ST6GALNAC1: variants seen among roughly 807,000 people sequenced by gnomAD.
ST6GALNAC1 encodes the protein ST6 N-acetylgalactosaminide alpha-2,6-sialyltransferase 1.
In ST6GALNAC1, 45 loss-of-function variants were observed where a neutral mutation model predicts 56.8. The observed-to-expected ratio is 0.79, with a 90% CI of 0.62 to 1.02. The LOEUF (loss-of-function observed/expected upper bound fraction) is 1.02, where lower values mean the gene tolerates loss of function less well. Ranked by LOEUF, ST6GALNAC1 falls within the 50% of genes least tolerant of loss-of-function variation. The pLI is 0.00. For missense variants in ST6GALNAC1, 743 were observed against 754.8 expected, an observed-to-expected ratio of 0.98 and a Z score of 0.18; for synonymous variants, 295 against 297.8, an observed-to-expected ratio of 0.99 and a Z score of 0.10.
intron 1 of ST6GALNAC1, among the ~76,000 whole-genome samples, chr17:76,636,972 C>G (rs2075983474): frequency 6.6e-6 from 1 of 152,088 alleles, no homozygotes. Context: ...ACCTTACCCC[C>G]AACCCCGTGC....
At chr17:76,624,693 G>A (rs1286942083), downstream of ST6GALNAC1, 2 of 152,550 alleles carry the variant, frequency 1.3e-5, no homozygotes, top group East Asian at 3.8e-4. Context: ...GGTTAATGGG[G>A]AGAATAGAAG....
the ST6GALNAC1 span, among the ~76,000 whole-genome samples, chr17:76,617,653 C>T: frequency 4.0e-5 from 6 of 151,884 alleles, no homozygotes; most frequent in African/African-American, 1.5e-4. Flanking sequence ...CACCTGTGAT[C>T]ACAGTTGCTC....
downstream of ST6GALNAC1, among the ~76,000 whole-genome samples, chr17:76,623,108 G>T (rs1222467701): frequency 6.6e-6 from 1 of 152,130 alleles, no homozygotes; most frequent in Admixed American, 6.5e-5. Context: ...AATTGTTGAT[G>T]GGAGTTACAG....
the ST6GALNAC1 span, among the ~76,000 whole-genome samples, chr17:76,617,776 A>G: frequency 6.6e-6 from 1 of 152,198 alleles, no homozygotes; most frequent in Non-Finnish European, 1.5e-5. Context: ...GTCTCAAAAA[A>G]AAAAAAAAGA....
At chr17:76,642,212 C>CT (rs1206291985) in intron 1 of ST6GALNAC1, among the ~76,000 whole-genome samples, 1 of 151,010 alleles carries the variant, frequency 6.6e-6, no homozygotes, top group Admixed American at 6.6e-5. Context: ...CTCTCTCTCT[C>CT]TATCTGCCTA....
chr17:76,628,312 G>A (rs2075841688), intron 2 of ST6GALNAC1, among the ~76,000 whole-genome samples: 1 of 126,494 alleles, frequency 7.9e-6, no homozygotes, highest in Non-Finnish European at 1.6e-5. Context: ...CCTTCCTTCC[G>A]ACAGGGTCTC....
In ST6GALNAC1 at chr17:76,643,592, T is replaced by C; in HGVS notation, c.47A>G (p.Gln16Arg). 6.2e-7 allele frequency: 1 copy of C among 1,614,158 alleles called. No individual in the cohort carries two copies. The highest frequency in any genetic ancestry group is 8.5e-7 in the Non-Finnish European group (1 of 1,179,986). Reference sequence around the variant, plus strand: ...CAGGACAGCCAGAAGCAAGGACCACTGGACGCCTTGGCTCAGGTGCCTGCA... The same window carrying C: ...CAGGACAGCCAGAAGCAAGGACCACCGGACGCCTTGGCTCAGGTGCCTGCA... ...WRCRHLSQGV[Q>R]WSLLLAVLVF... Residue 16 changes from glutamine (Q) to arginine (R), a missense_variant, in exon 1 of 9, where the codon CAG becomes CGG. Gln to Arg is a conservative substitution (Grantham distance 43). Coordinates refer to ENST00000156626, the MANE Select transcript of ST6GALNAC1 (RefSeq NM_018414.5).
downstream of ST6GALNAC1, among the ~76,000 whole-genome samples, chr17:76,621,440 C>G (rs145352852): frequency 2.4e-3 from 358 of 151,732 alleles, 4 homozygotes; most frequent in East Asian, 0.018. Context: ...CTTGGCCTCC[C>G]AAAGTGCTGG....
chr17:76,620,669 A>C (rs534068772), downstream of ST6GALNAC1, among the ~76,000 whole-genome samples: 6 of 150,772 alleles, frequency 4.0e-5, no homozygotes, highest in Non-Finnish European at 8.9e-5. Context: ...TCCGTCTCCC[A>C]GGTTCAAGTG....
chr17:76,636,342 A>G (rs902381792), intron 1 of ST6GALNAC1, among the ~76,000 whole-genome samples: 2 of 151,990 alleles, frequency 1.3e-5, no homozygotes, highest in African/African-American at 4.8e-5. Flanking sequence ...GGACTTTACT[A>G]CTTCTTACCA....
chr17:76,635,396 T>A (rs2075961834), intron 1 of ST6GALNAC1, among the ~76,000 whole-genome samples: 1 of 152,130 alleles, frequency 6.6e-6, no homozygotes, highest in African/African-American at 2.4e-5. Context: ...TCCCAGCACT[T>A]TGGGAGGCTG....
intron 6 of ST6GALNAC1, 71 bp from the exon 7 acceptor site, chr17:76,626,166 G>A (rs2075795282): frequency 6.4e-7 from 1 of 1,560,590 alleles, no homozygotes; most frequent in Non-Finnish European, 8.8e-7. Context: ...TCAGGGTCAT[G>A]AGCATGACTG....
At chr17:76,632,002 G>A (rs1355799387) in intron 1 of ST6GALNAC1, among the ~76,000 whole-genome samples, 1 of 152,136 alleles carries the variant, frequency 6.6e-6, no homozygotes, top group Non-Finnish European at 1.5e-5. Flanking sequence ...TGAGTGCTGT[G>A]TGGGTGTGTG....
At position 76,625,392 on chromosome 17, in the gene ST6GALNAC1, C is replaced by A. The variant is rs746641827; in HGVS notation, c.1741G>T (p.Asp581Tyr). Residue 581 changes from aspartate to tyrosine, a missense_variant, in exon 9 of 9, where the codon GAT becomes TAT. Physicochemically the swap from Asp to Tyr is radical, Grantham distance 160. Coordinates refer to ENST00000156626, the MANE Select transcript of ST6GALNAC1 (RefSeq NM_018414.5). ...LEREVWKRLH[D>Y]EGIIRLYQRP... ...TGGTACAGCCGGATTATCCCTTCATCGTGTAGCCGCTTCCAGACTTCTCTC... is the reference window on the plus strand; with the variant it reads ...TGGTACAGCCGGATTATCCCTTCATAGTGTAGCCGCTTCCAGACTTCTCTC... 6.2e-7 allele frequency: 1 copy of A among 1,614,174 alleles called. No individual in the cohort carries two copies. Among genetic ancestry groups the A allele is most frequent in the Non-Finnish European group, 8.5e-7 (1 of 1,180,042 alleles).
rs146469768 is a variant in ST6GALNAC1, at chr17:76,629,223, G to A, written c.620C>T (p.Thr207Ile). 599 of 1,614,154 alleles carry A rather than the reference G, an allele frequency of 3.7e-4. 2 individuals carry two copies. In the African/African-American group the frequency reaches 6.5e-3, roughly 17 times the overall value. ...TCTCGTCCTTGTTGACACTGCTCCT[G>A]TGGGAGCCAGCATTCTGTGCTGACT... is the stretch of plus-strand genomic sequence containing the variant. ...PKSQHRMLAP[T>I]GAVSTRTRQK... The change falls in exon 2 of 9, where the codon ACA (threonine) becomes ATA (isoleucine). Residue 207 changes from threonine to isoleucine, a missense_variant. Thr to Ile is a moderately conservative substitution (Grantham distance 89). Transcript: ENST00000156626.
At chr17:76,642,632 A>C (rs748167259) in intron 1 of ST6GALNAC1, among the ~76,000 whole-genome samples, 6 of 152,132 alleles carry the variant, frequency 3.9e-5, no homozygotes, top group Admixed American at 6.5e-5. Context: ...GTTTAGGAAC[A>C]GTGAAATGAA....
At position 76,627,377 on chromosome 17, in the gene ST6GALNAC1, AC is replaced by A. The variant is rs1304033847; in HGVS notation, c.1000+37del. 19 of 1,604,894 alleles carry A rather than the reference AC, an allele frequency of 1.2e-5. No homozygotes were observed. Among genetic ancestry groups the A allele is most frequent in the Non-Finnish European group, 1.6e-5 (19 of 1,174,768 alleles). On this transcript the variant is annotated intron_variant, in intron 3 of 8. Coordinates refer to ENST00000156626, the MANE Select transcript of ST6GALNAC1 (RefSeq NM_018414.5). This position sits in a 1 kb window ranked among gnomAD's most constrained non-coding sequence, Gnocchi z 4.4. ...TGCCCTCTGCCCTCTGCCCCGGCCTACTGCGCACCCACACCTTCCCCTGGGT... is the reference window on the plus strand; with the variant it reads ...TGCCCTCTGCCCTCTGCCCCGGCCTATGCGCACCCACACCTTCCCCTGGGT...
downstream of ST6GALNAC1, among the ~76,000 whole-genome samples, chr17:76,622,829 T>TA (rs773724828): frequency 4.0e-5 from 6 of 149,152 alleles, no homozygotes; most frequent in Non-Finnish European, 8.9e-5. Context: ...AGTCTTGCTC[T>TA]ATCGCCCAGG....
downstream of ST6GALNAC1, among the ~76,000 whole-genome samples, chr17:76,622,252 CTA>C (rs143088443): frequency 5.4e-5 from 8 of 148,656 alleles, no homozygotes; most frequent in East Asian, 2.0e-4. Context: ...AAGTCCTTTA[CTA>C]TATATATATA....
Sources: gnomAD v4.1 joint callset for allele counts (sites outside exome capture counted in the v4.1 genomes callset) on GRCh38, gnomAD v4.1.1 for gene constraint, Gnocchi (gnomAD v3.1) non-coding constraint, MANE v1.5 for transcripts, NCBI Gene and HGNC (gene_info 2026-07-23, HGNC 2026-07-21) for gene names.